Variants in CNTN4 observed in about 807,000 individuals in gnomAD.
CNTN4 encodes the protein contactin-4.
In CNTN4, 77 loss-of-function variants were observed where a neutral mutation model predicts 122.5. The ratio of observed to expected loss-of-function variants is 0.63; its 90% CI spans 0.52 to 0.76. The LOEUF is 0.76. Ranked by LOEUF, CNTN4 falls within the 30% of genes least tolerant of loss-of-function variation. The pLI, the probability that CNTN4 is intolerant of heterozygous loss-of-function variation, is 0.00. For missense variants in CNTN4, 1,256 were observed against 1,259.1 expected (o/e 1.00, Z 0.04); for synonymous variants, 512 against 447.0 (o/e 1.15, Z -1.83).
At chr3:2,181,017 T>C (rs2036989414) in intron 2 of CNTN4, among the ~76,000 whole-genome samples, 1 of 152,124 alleles carries the variant, frequency 6.6e-6, no homozygotes, top group African/African-American at 2.4e-5. Context: ...TGAGGACAAC[T>C]ACATGGGAAA....
intron 2 of CNTN4, among the ~76,000 whole-genome samples, chr3:2,118,187 A>C (rs763123730): frequency 3.9e-5 from 6 of 152,320 alleles, no homozygotes; most frequent in Non-Finnish European, 7.4e-5. Context: ...CCTGGGTCCT[A>C]AATGAGAAAA....
chr3:2,340,710 T>TATATATAGAGAGAGAGAGAGAGAGAGAG, intron 3 of CNTN4, among the ~76,000 whole-genome samples: 6 of 18,300 alleles, frequency 3.3e-4, no homozygotes, highest in African/African-American at 6.0e-4. Context: ...TATATATATA[T>TATATATAGAGAGAGAGAGAGAGAGAGAG]AGAGAGAGAG....
intron 3 of CNTN4, among the ~76,000 whole-genome samples, chr3:2,451,041 A>T (rs540702781): frequency 1.3e-5 from 2 of 152,188 alleles, no homozygotes; most frequent in African/African-American, 4.8e-5. Flanking sequence ...AGGTGGGAAG[A>T]CTACTCAATT....
chr3:2,653,272 A>G (rs191786664), intron 4 of CNTN4, among the ~76,000 whole-genome samples: 1 of 152,172 alleles, frequency 6.6e-6, no homozygotes, highest in Admixed American at 6.5e-5. Flanking sequence ...ATACTGCTTT[A>G]AAACTCAATA....
intron 17 of CNTN4, among the ~76,000 whole-genome samples, chr3:3,035,455 G>A (rs1699521652): frequency 1.3e-5 from 2 of 152,152 alleles, no homozygotes; most frequent in South Asian, 4.1e-4. Context: ...TTGGAAAGCA[G>A]CGGATTCTGC....
chr3:2,648,302 T>C (rs2150169653), intron 4 of CNTN4, among the ~76,000 whole-genome samples: 1 of 152,322 alleles, frequency 6.6e-6, no homozygotes, highest in African/African-American at 2.4e-5. Context: ...TGCTTTGCTT[T>C]ATTGCACTTC....
In CNTN4 at chr3:2,916,602, T is replaced by C. The variant is rs551691169; in HGVS notation, c.1208-9027T>C. Among the ~76,000 whole-genome samples the C allele has an allele frequency of 5.6e-5, 7 of 124,954 alleles. 1 individual carries two copies. In the South Asian group the frequency reaches 1.9e-3, roughly 35 times the overall value. 82.0% of individuals were successfully genotyped at this position (124,954 alleles called of 152,430 possible). A position where few individuals can be genotyped will look rare whatever the true frequency, so the allele number is the denominator to read the frequency against. On this transcript the variant is annotated intron_variant, in intron 12 of 24. Transcript: ENST00000418658. ...AATGGAGTCTCCCATGTCTACTTCT[T>C]TCTACACAGACACAGCAACAATCTG... is the stretch of plus-strand genomic sequence containing the variant.
Position 2,902,981 on chromosome 3 carries a change from T to G in CNTN4, c.1183T>G (p.Ser395Ala), listed in dbSNP as rs968749209. The G allele has an allele frequency of 3.7e-6, 6 of 1,613,748 alleles. No homozygotes were observed. The highest frequency in any genetic ancestry group is 5.1e-6 in the Non-Finnish European group (6 of 1,179,906). ...AGAGAATAAACATGGAGTTATCTTT[T>G]CCAACGCAGAGCTTAGTGTTATAGG... ...LAENKHGVIF[S>A]NAELSVIAVG... Residue 395 changes from serine (S) to alanine (A), a missense_variant, in exon 12 of 25, where the codon TCC (serine) becomes GCC (alanine). Physicochemically the swap from Ser to Ala is moderately conservative, Grantham distance 99. Transcript: ENST00000418658.
rs564090196 is a variant in CNTN4 at position 2,789,647 on chromosome 3, T to C, written c.359-29839T>C. Among the ~76,000 whole-genome samples, 3 of 152,348 alleles carry C rather than the reference T, an allele frequency of 2.0e-5. No homozygotes were observed. The South Asian group carries it at 6.2e-4, about 32-fold the overall frequency. On this transcript the variant is annotated intron_variant, in intron 6 of 24. Coordinates refer to ENST00000418658, the MANE Select transcript of CNTN4 (RefSeq NM_175607.3). ...AATTTCACCATGTTGGCCAGGCTGG[T>C]CTGAAACTCCTGACTTCAAGTGATC...
chr3:2,610,871 A>G (rs756603873), intron 4 of CNTN4, among the ~76,000 whole-genome samples: 7 of 152,164 alleles, frequency 4.6e-5, no homozygotes, highest in Non-Finnish European at 8.8e-5. Context: ...GTAACTTGGG[A>G]GAAATATTTT....
At chr3:2,815,439 A>G (rs116697546) in intron 6 of CNTN4, among the ~76,000 whole-genome samples, 1,596 of 152,330 alleles carry the variant, frequency 0.01, 38 homozygotes, top group African/African-American at 0.036. Flanking sequence ...AAGGACATGA[A>G]TAGACAGTTC....
At chr3:2,756,031 G>A (rs1333086988) in intron 6 of CNTN4, among the ~76,000 whole-genome samples, 1 of 152,126 alleles carries the variant, frequency 6.6e-6, no homozygotes, top group African/African-American at 2.4e-5. Context: ...TCGGGGAAAA[G>A]GGAGACCACT....
intron 6 of CNTN4, among the ~76,000 whole-genome samples, chr3:2,809,347 A>G (rs1412914477): frequency 6.6e-6 from 1 of 152,140 alleles, no homozygotes; most frequent in Non-Finnish European, 1.5e-5. Context: ...AAACAAGGGG[A>G]ACAGCAAGGA....
chr3:3,023,035 G>A (rs1698432649), intron 14 of CNTN4, among the ~76,000 whole-genome samples: 1 of 152,136 alleles, frequency 6.6e-6, no homozygotes, highest in Non-Finnish European at 1.5e-5. Context: ...AACCAAAGGA[G>A]AGGAGACAGT....
chr3:2,197,051 A>AG (rs2037873723), intron 2 of CNTN4, among the ~76,000 whole-genome samples: 7 of 127,428 alleles, frequency 5.5e-5, no homozygotes, highest in African/African-American at 2.1e-4. Context: ...GTCTCACCAG[A>AG]AAAAAAAAAA....
At chr3:2,508,247 G>T (rs1196714329) in intron 3 of CNTN4, among the ~76,000 whole-genome samples, 8 of 152,136 alleles carry the variant, frequency 5.3e-5, no homozygotes, top group Admixed American at 3.9e-4. Flanking sequence ...ATTCCAGTAG[G>T]TGCCCTGGGC....
intron 6 of CNTN4, among the ~76,000 whole-genome samples, chr3:2,780,387 T>G (rs1026043809): frequency 4.6e-5 from 7 of 152,212 alleles, no homozygotes; most frequent in African/African-American, 1.7e-4. Flanking sequence ...AAAACATGTT[T>G]AAAATCTCTA....
chr3:2,560,974 T>C (rs1161922320), intron 3 of CNTN4, among the ~76,000 whole-genome samples: 1 of 152,208 alleles, frequency 6.6e-6, no homozygotes, highest in African/African-American at 2.4e-5. Flanking sequence ...AGACATAGAC[T>C]CCCTTTTAGG....
intron 2 of CNTN4, among the ~76,000 whole-genome samples, chr3:2,255,127 ATT>A (rs2040528851): frequency 6.6e-6 from 1 of 152,178 alleles, no homozygotes; most frequent in Non-Finnish European, 1.5e-5. Flanking sequence ...TCCCAACACC[ATT>A]TATTAAGTAG....
Sources: gnomAD v4.1 joint callset for allele counts (sites outside exome capture counted in the v4.1 genomes callset) on GRCh38, gnomAD v4.1.1 for gene constraint, MANE v1.5 for transcripts, NCBI Gene and HGNC (gene_info 2026-07-23, HGNC 2026-07-21) for gene names.